CHCHD3: variants seen among roughly 807,000 people sequenced by gnomAD.
The protein encoded by CHCHD3 is coiled-coil-helix-coiled-coil-helix domain containing 3, also known as MICOS complex subunit MIC19.
CHCHD3 carries 20 observed loss-of-function variants against 38.2 expected under a neutral mutation model. The ratio of observed to expected loss-of-function variants is 0.52; its 90% CI spans 0.37 to 0.76. The LOEUF is 0.76. Ranked by LOEUF, CHCHD3 falls within the 30% of genes least tolerant of loss-of-function variation. CHCHD3 has a pLI of 0.00. For synonymous variants in CHCHD3, 82 were observed against 100.0 expected, an observed-to-expected ratio of 0.82 and a Z score of 1.07; for missense variants, 245 against 279.2, an observed-to-expected ratio of 0.88 and a Z score of 0.87.
intron 3 of CHCHD3, among the ~76,000 whole-genome samples, chr7:132,978,813 T>C (rs1243804202): frequency 6.6e-6 from 1 of 152,218 alleles, no homozygotes; most frequent in Admixed American, 6.5e-5. Context: ...GGATTGGCAG[T>C]GGTGCAAACT....
In CHCHD3 at chr7:133,034,582, G is replaced by A. The variant is rs535110904; in HGVS notation, c.170-9955C>T. 9 of 1,504,226 alleles carry A rather than the reference G, an allele frequency of 6.0e-6. No homozygotes were observed. The South Asian group carries it at 7.9e-5, about 13-fold the overall frequency. 93.2% of individuals were successfully genotyped at this position (1,504,226 alleles called of 1,614,324 possible). A position where few individuals can be genotyped will look rare whatever the true frequency, so the allele number is the denominator to read the frequency against. On this transcript the variant is annotated intron_variant, in intron 2 of 7. Transcript: ENST00000262570. Reference sequence around the variant, plus strand: ...CCATCTCCCTGAAGGGCAGGTGCAGGCAGCTAGGTGATGGCAAGAGATGTT... The same window carrying A: ...CCATCTCCCTGAAGGGCAGGTGCAGACAGCTAGGTGATGGCAAGAGATGTT...
chr7:132,874,602 G>C (rs1808851400), intron 5 of CHCHD3, among the ~76,000 whole-genome samples: 1 of 152,004 alleles, frequency 6.6e-6, no homozygotes, highest in South Asian at 2.1e-4. Context: ...CTTTCCATTG[G>C]TGGCATGCTA....
intron 4 of CHCHD3, among the ~76,000 whole-genome samples, chr7:132,888,769 G>T (rs1809283291): frequency 1.3e-5 from 2 of 151,682 alleles, no homozygotes; most frequent in African/African-American, 4.8e-5. Flanking sequence ...TATCGTAACA[G>T]AAAATTAATT....
At chr7:132,981,165 T>TG (rs112611632) in intron 3 of CHCHD3, among the ~76,000 whole-genome samples, 2,849 of 149,828 alleles carry the variant, frequency 0.019, 106 homozygotes, top group African/African-American at 0.066. Context: ...TTTGGGTTGT[T>TG]TTTTTTTTTG....
intron 2 of CHCHD3, among the ~76,000 whole-genome samples, chr7:133,054,773 G>C (rs896214643): frequency 1.3e-5 from 2 of 152,106 alleles, no homozygotes; most frequent in African/African-American, 4.8e-5. Flanking sequence ...GGATCATTTA[G>C]TATGTGGTCT....
chr7:132,971,802 G>A (rs536090210), intron 4 of CHCHD3, among the ~76,000 whole-genome samples: 8 of 152,292 alleles, frequency 5.3e-5, no homozygotes, highest in East Asian at 1.9e-4. Context: ...AAAGAGGAAC[G>A]AAGCAATGCT....
chr7:132,825,378 C>T (rs1403592368), intron 6 of CHCHD3, among the ~76,000 whole-genome samples: 1 of 152,216 alleles, frequency 6.6e-6, no homozygotes, highest in East Asian at 1.9e-4. Flanking sequence ...CAATATCCAA[C>T]AACTCAAGTT....
chr7:132,790,456 T>C (rs1299976814), intron 7 of CHCHD3, among the ~76,000 whole-genome samples: 3 of 152,174 alleles, frequency 2.0e-5, no homozygotes, highest in African/African-American at 7.2e-5. Context: ...TAGAAAAGGA[T>C]TCCTATGATG....
chr7:132,908,216 A>G (rs780470027), intron 4 of CHCHD3, among the ~76,000 whole-genome samples: 5 of 152,174 alleles, frequency 3.3e-5, no homozygotes, highest in Admixed American at 6.5e-5. Flanking sequence ...TCTGGTGTTT[A>G]AGAGAATCAT....
intron 2 of CHCHD3, among the ~76,000 whole-genome samples, chr7:133,042,836 C>A (rs996755088): frequency 1.3e-5 from 2 of 152,072 alleles, no homozygotes; most frequent in Admixed American, 6.6e-5. Context: ...TAATAAAGAT[C>A]ATGACAAAGT....
At chr7:132,917,857 TCA>T (rs1810152232) in intron 4 of CHCHD3, among the ~76,000 whole-genome samples, 1 of 7,978 alleles carries the variant, frequency 1.3e-4, no homozygotes. Context: ...AGACTCCATC[TCA>T]AAAAAAAAAA....
chr7:132,888,082 A>G (rs1050652854), intron 4 of CHCHD3, among the ~76,000 whole-genome samples: 2 of 151,878 alleles, frequency 1.3e-5, no homozygotes, highest in African/African-American at 4.8e-5. Flanking sequence ...CCACTTAAAA[A>G]AGAAAAAAGA....
At chr7:132,871,655 G>A (rs529245382) in intron 5 of CHCHD3, among the ~76,000 whole-genome samples, 14 of 152,228 alleles carry the variant, frequency 9.2e-5, no homozygotes, top group Non-Finnish European at 8.8e-5. Context: ...AAGGCAAGGT[G>A]GAAACTACAC....
chr7:132,904,781 C>A (rs1317483113), intron 4 of CHCHD3, among the ~76,000 whole-genome samples: 4 of 152,170 alleles, frequency 2.6e-5, no homozygotes, highest in Non-Finnish European at 4.4e-5. Context: ...ACTATAAAGA[C>A]ACATGCACAC....
intron 5 of CHCHD3, among the ~76,000 whole-genome samples, chr7:132,871,937 G>GA (rs901925109): frequency 6.6e-6 from 1 of 151,924 alleles, no homozygotes; most frequent in African/African-American, 2.4e-5. Context: ...TAAAGTTGGG[G>GA]AAAAAAAAGT....
chr7:132,893,911 T>C (rs1012496970), intron 4 of CHCHD3, among the ~76,000 whole-genome samples: 2 of 152,236 alleles, frequency 1.3e-5, no homozygotes, highest in Non-Finnish European at 2.9e-5. Flanking sequence ...CTTTATAAAC[T>C]ACCCAGTCTC....
At chr7:132,795,009 A>G (rs183132130) in intron 7 of CHCHD3, among the ~76,000 whole-genome samples, 3 of 152,370 alleles carry the variant, frequency 2.0e-5, no homozygotes, top group Admixed American at 1.3e-4. Flanking sequence ...TCACAAGACT[A>G]TATGTAGATA....
chr7:132,836,016 G>A (rs1037163200), intron 6 of CHCHD3, among the ~76,000 whole-genome samples: 1 of 152,082 alleles, frequency 6.6e-6, no homozygotes, highest in African/African-American at 2.4e-5. Flanking sequence ...CTAGCCTCCA[G>A]AACTGTGAGA....
rs114910262 is a variant in CHCHD3, at chr7:132,788,468, C to A, written c.661-2808G>T. On this transcript the variant is annotated intron_variant, in intron 7 of 7. Coordinates refer to ENST00000262570, the MANE Select transcript of CHCHD3 (RefSeq NM_017812.4). The surrounding 1 kb of genome is among the most constrained non-coding windows in gnomAD (Gnocchi z 4.0). ...CCTCCTTTCAAATATTGCAAAATAA[C>A]CTGCAGCTGCCACAACTTAAGGAAA... Among the ~76,000 whole-genome samples, 2,175 of 152,240 alleles carry A rather than the reference C, an allele frequency of 0.014. 59 individuals are homozygous for A. Among genetic ancestry groups the A allele is most frequent in the African/African-American group, 0.05 (2,071 of 41,532 alleles).
Sources: gnomAD v4.1 joint callset for allele counts (sites outside exome capture counted in the v4.1 genomes callset) on GRCh38, gnomAD v4.1.1 for gene constraint, Gnocchi (gnomAD v3.1) non-coding constraint, MANE v1.5 for transcripts, NCBI Gene and HGNC (gene_info 2026-07-23, HGNC 2026-07-21) for gene names.